IL17REL: variants seen among roughly 807,000 people sequenced by gnomAD.
The protein encoded by IL17REL is interleukin 17 receptor E like, also known as interleukin-17 receptor E-like protein.
IL17REL carries 36 observed loss-of-function variants against 49.0 expected under a neutral mutation model. That is an observed-to-expected ratio of 0.73 (90% CI 0.56 to 0.97). The LOEUF (loss-of-function observed/expected upper bound fraction) is 0.97. Among genes scored for constraint, IL17REL ranks in the 50% least tolerant of loss-of-function variants. The pLI is 0.00. For missense variants in IL17REL, 470 were observed against 453.9 expected, an observed-to-expected ratio of 1.04 and a Z score of -0.32; for synonymous variants, 206 against 192.4, an observed-to-expected ratio of 1.07 and a Z score of -0.58.
Position 50,000,491 on chromosome 22 carries a change from C to A in IL17REL, c.321G>T (p.Arg107Ser), listed in dbSNP as rs769418403. The A allele has an allele frequency of 1.6e-5, 25 of 1,612,764 alleles. No individual in the cohort carries two copies. Among genetic ancestry groups the A allele is most frequent in the Non-Finnish European group, 2.0e-5 (24 of 1,179,396 alleles). Residue 107 changes from arginine to serine, a missense_variant, in exon 4 of 13, where the codon AGG becomes AGT. Transcript: ENST00000341280. ...TGGGGACCCTACCTTCCACGAGGTG[C>A]CTCTGGTCCAGCTGGACCCCGCAGA...
exon 13 of IL17REL, chr22:49,996,389 T>A (rs1249100513): frequency 6.6e-6 from 1 of 152,428 alleles, no homozygotes; most frequent in Non-Finnish European, 1.5e-5. Flanking sequence ...CCAGGCCACA[T>A]GTGCTTAGTT....
chr22:49,997,631 A>G (rs1654673543), intron 10 of IL17REL, 54 bp downstream of exon 12: 3 of 1,539,012 alleles, frequency 1.9e-6, no homozygotes, highest in African/African-American at 1.4e-5. Flanking sequence ...ACAGAGTGAT[A>G]TAAAGGATGT....
downstream of IL17REL, among the ~76,000 whole-genome samples, chr22:49,993,420 C>T (rs866004101): frequency 3.3e-5 from 5 of 152,046 alleles, no homozygotes; most frequent in Non-Finnish European, 7.4e-5. This position sits in a 1 kb window ranked among gnomAD's most constrained non-coding sequence, Gnocchi z 6.0. Context: ...GGGTTTCCGG[C>T]GGTGGTGGTG....
chr22:50,004,912 TC>T (rs1379431811), intron 1 of IL17REL, among the ~76,000 whole-genome samples: 1 of 146,452 alleles, frequency 6.8e-6, no homozygotes, highest in Non-Finnish European at 1.5e-5. Flanking sequence ...TTTGACCCTT[TC>T]TAGAAAAAAG....
intron 1 of IL17REL, among the ~76,000 whole-genome samples, chr22:50,001,866 C>T (rs560855825): frequency 6.6e-6 from 1 of 152,356 alleles, no homozygotes; most frequent in Non-Finnish European, 1.5e-5. Flanking sequence ...GGCAACCCAG[C>T]TGTTCCACAG....
chr22:49,994,278 G>A (rs2061020506), downstream of IL17REL, among the ~76,000 whole-genome samples: 1 of 150,282 alleles, frequency 6.7e-6, no homozygotes, highest in Middle Eastern at 3.4e-3. Flanking sequence ...TCCTTTATGG[G>A]GACACTTGGA....
chr22:50,007,963 G>A (rs2061119076), intron 1 of IL17REL, among the ~76,000 whole-genome samples: 1 of 152,132 alleles, frequency 6.6e-6, no homozygotes, highest in Admixed American at 6.5e-5. Flanking sequence ...AACAGGCCAG[G>A]CATGGTGGCT....
chr22:49,997,550 T>A, intron 10 of IL17REL, 67 bp from the exon 13 acceptor site: 2 of 1,336,308 alleles, frequency 1.5e-6, no homozygotes, highest in Non-Finnish European at 2.1e-6. Context: ...CCTTCCCCAG[T>A]GGGCCTGGCG....
In IL17REL at chr22:50,007,606, T is replaced by C. The variant is rs186757979; in HGVS notation, c.-42+1031A>G. On this transcript the variant is annotated intron_variant, in intron 1 of 12. Coordinates refer to ENST00000341280, the Ensembl canonical transcript of IL17REL. ...GTTGGCCAGGCTGGTCTCGAACTCC[T>C]GACGTCAGGTGATCCACCTGCCTCG... Among the ~76,000 whole-genome samples, 264 of 152,236 alleles carry C rather than the reference T, an allele frequency of 1.7e-3. 1 individual carries two copies. Among genetic ancestry groups the C allele is most frequent in the African/African-American group, 6.2e-3 (256 of 41,566 alleles).
At chr22:50,005,525 G>A (rs928526591) in intron 1 of IL17REL, among the ~76,000 whole-genome samples, 2 of 152,154 alleles carry the variant, frequency 1.3e-5, no homozygotes, top group Non-Finnish European at 2.9e-5. Context: ...ACCTGGGCCG[G>A]GCGCGGTGGC....
chr22:49,999,540 AGGGCGGGGGTGGTCTGGGGT>A, intron 5 of IL17REL, 38 bp from the exon 8 acceptor site: 1 of 815,212 alleles, frequency 1.2e-6, no homozygotes, highest in Middle Eastern at 4.1e-4. Context: ...GCCGCGCGGG[AGGGCGGGGGTGGTCTGGGGT>A]GGGCGGGACC....
intron 7 of IL17REL, 55 bp from the exon 10 acceptor site, chr22:49,998,364 G>A (rs1021084734): frequency 2.2e-5 from 34 of 1,522,288 alleles, no homozygotes; most frequent in Admixed American, 2.0e-5. Flanking sequence ...TGGCTGCCAG[G>A]CCCATGGGGT....
At chr22:49,996,779 G>A (rs2061037188) in exon 13 of IL17REL, 3 of 491,648 alleles carry the variant, frequency 6.1e-6, no homozygotes, top group Admixed American at 3.9e-5. Flanking sequence ...GGCCTCCTGC[G>A]GCCCCTGAGA....
At chr22:49,994,821 C>G (rs1030653681) in exon 13 of IL17REL, 1 of 152,546 alleles carries the variant, frequency 6.6e-6, no homozygotes, top group Non-Finnish European at 1.5e-5. Flanking sequence ...GTGACCCACA[C>G]GAGAAGTCTT....
chr22:49,993,516 G>A (rs1601882103), downstream of IL17REL, among the ~76,000 whole-genome samples: 1 of 152,130 alleles, frequency 6.6e-6, no homozygotes, highest in Non-Finnish European at 1.5e-5. This position sits in a 1 kb window ranked among gnomAD's most constrained non-coding sequence, Gnocchi z 6.0. Context: ...CGGCTGATCC[G>A]GCTCAGCACC....
chr22:50,004,503 TC>T (rs1304281841), intron 1 of IL17REL, among the ~76,000 whole-genome samples: 1 of 152,058 alleles, frequency 6.6e-6, no homozygotes, highest in Non-Finnish European at 1.5e-5. Context: ...TGGAGCATCA[TC>T]CCCGGGGCTT....
At chr22:50,011,832 C>T (rs956754347), upstream of IL17REL, among the ~76,000 whole-genome samples, 8 of 152,222 alleles carry the variant, frequency 5.3e-5, no homozygotes, top group African/African-American at 1.7e-4. Flanking sequence ...TGGATGTCCC[C>T]GCAAGTGTCC....
chr22:50,000,169 G>T (rs2061069458), intron 4 of IL17REL, among the ~76,000 whole-genome samples, 27 bp downstream of exon 6: 1 of 152,230 alleles, frequency 6.6e-6, no homozygotes, highest in African/African-American at 2.4e-5. Context: ...GAGGGTCTTC[G>T]CAGGGGCGTC....
chr22:50,005,538 AC>A (rs1285356535), intron 1 of IL17REL, among the ~76,000 whole-genome samples: 1 of 152,132 alleles, frequency 6.6e-6, no homozygotes, highest in African/African-American at 2.4e-5. Context: ...GCGGTGGCTC[AC>A]GCCTGTAATC....
Sources: allele counts gnomAD v4.1 joint callset (sites outside exome capture counted in the v4.1 genomes callset), GRCh38; gene constraint gnomAD v4.1.1; non-coding constraint Gnocchi (gnomAD v3.1); transcripts MANE v1.5; gene names NCBI Gene and HGNC (gene_info 2026-07-23, HGNC 2026-07-21).